The following FOXP1 variants were observed in gnomAD, a reference collection of about 807,000 sequenced individuals.
FOXP1 encodes forkhead box protein P1.
A neutral mutation model predicts 98.2 loss-of-function variants in FOXP1; 15 were observed. The observed-to-expected ratio is 0.15, with a 90% CI of 0.10 to 0.24. The LOEUF is 0.24. Ranked by LOEUF, FOXP1 falls within the 10% of genes least tolerant of loss-of-function variation. The pLI, the probability that FOXP1 is intolerant of heterozygous loss-of-function variation, is 1.00. For synonymous variants in FOXP1, 371 were observed against 314.5 expected (o/e 1.18, Z -1.90); for missense variants, 633 against 848.5 (o/e 0.75, Z 3.15).
At chr3:71,476,657 A>ATTTTTTTTT (rs55733297) in intron 3 of FOXP1, among the ~76,000 whole-genome samples, 3 of 134,480 alleles carry the variant, frequency 2.2e-5, no homozygotes, top group Admixed American at 7.4e-5. Flanking sequence ...TGCCCAGCTA[A>ATTTTTTTTT]TTTTTTTTTT....
chr3:71,226,480 T>C (rs955969823), intron 5 of FOXP1, among the ~76,000 whole-genome samples: 5 of 151,928 alleles, frequency 3.3e-5, no homozygotes, highest in Non-Finnish European at 7.4e-5. Context: ...CCGTCACCTA[T>C]GCAAGAGCCT....
intron 4 of FOXP1, among the ~76,000 whole-genome samples, chr3:71,317,320 C>T (rs1284444840): frequency 1.3e-5 from 2 of 152,166 alleles, no homozygotes; most frequent in East Asian, 1.9e-4. Context: ...CATGACGCCA[C>T]GCTGTCACTT....
chr3:71,165,970 C>T (rs1011406356), intron 6 of FOXP1, among the ~76,000 whole-genome samples: 16 of 152,300 alleles, frequency 1.1e-4, no homozygotes, highest in Non-Finnish European at 2.1e-4. Context: ...AGACAGAAGG[C>T]TAAACATTCT....
At chr3:71,053,306 C>T (rs1308432771) in intron 8 of FOXP1, among the ~76,000 whole-genome samples, 1 of 152,158 alleles carries the variant, frequency 6.6e-6, no homozygotes, top group African/African-American at 2.4e-5. Context: ...CCACTCCCAA[C>T]GTGCTCCTCA....
At chr3:71,567,292 C>A (rs2046982850) in intron 2 of FOXP1, among the ~76,000 whole-genome samples, 1 of 151,952 alleles carries the variant, frequency 6.6e-6, no homozygotes, top group Non-Finnish European at 1.5e-5. Flanking sequence ...CTGTTAGGGG[C>A]TTTGCACACA....
At chr3:71,028,433 G>A (rs1472949333) in intron 11 of FOXP1, among the ~76,000 whole-genome samples, 1 of 152,168 alleles carries the variant, frequency 6.6e-6, no homozygotes, top group Non-Finnish European at 1.5e-5. Context: ...TAAGGGTGGG[G>A]CCCAGTAGCC....
intron 17 of FOXP1, among the ~76,000 whole-genome samples, chr3:70,973,835 G>GCCCCCCCCCCCCCCCC (rs56950015): frequency 6.5e-4 from 24 of 36,738 alleles, no homozygotes; most frequent in Non-Finnish European, 8.5e-4. Context: ...TTTGCACACC[G>GCCCCCCCCCCCCCCCC]CCCCCCCCCC....
At chr3:71,467,441 A>G (rs183050320) in intron 3 of FOXP1, among the ~76,000 whole-genome samples, 33 of 152,296 alleles carry the variant, frequency 2.2e-4, no homozygotes, top group Admixed American at 2.0e-3. Flanking sequence ...AATCTCCCCA[A>G]AAAGAAATGA....
At chr3:71,400,173 G>A (rs1425498641) in intron 3 of FOXP1, among the ~76,000 whole-genome samples, 1 of 152,090 alleles carries the variant, frequency 6.6e-6, no homozygotes, top group Non-Finnish European at 1.5e-5. Flanking sequence ...GGTAAAAAAT[G>A]TTTATGTCAC....
rs138108644 is a variant in FOXP1, at chr3:71,482,943, C to T, written c.-168+10483G>A. Among the ~76,000 whole-genome samples the T allele has an allele frequency of 4.5e-3, 687 of 152,014 alleles. 6 individuals carry two copies. The highest frequency in any genetic ancestry group is 0.016 in the African/African-American group (658 of 41,446). ...TCCACCTCCAGGATTCAAACTATCC[C>T]CCCCACCTCAGCCTCCCATGTAGCT... On this transcript the variant is annotated intron_variant, in intron 3 of 20. Transcript: ENST00000649528.
chr3:71,106,619 C>T (rs1188904460), intron 7 of FOXP1, among the ~76,000 whole-genome samples: 2 of 150,174 alleles, frequency 1.3e-5, no homozygotes, highest in African/African-American at 2.5e-5. Context: ...CCATTGCACC[C>T]GGCCACTTTT....
At chr3:71,225,843 A>T (rs1310331924) in intron 5 of FOXP1, among the ~76,000 whole-genome samples, 4 of 152,200 alleles carry the variant, frequency 2.6e-5, no homozygotes, top group Non-Finnish European at 5.9e-5. Flanking sequence ...GGATATGAGG[A>T]CATATTAGTG....
At chr3:71,450,294 C>T (rs1256425079) in intron 3 of FOXP1, among the ~76,000 whole-genome samples, 2 of 152,172 alleles carry the variant, frequency 1.3e-5, no homozygotes, top group East Asian at 1.9e-4. Context: ...TTTAGATGTA[C>T]TTCACCTGCT....
At chr3:70,967,710 G>GTTTTTTTTT (rs756777959) in intron 19 of FOXP1, among the ~76,000 whole-genome samples, 41 of 68,860 alleles carry the variant, frequency 6.0e-4, no homozygotes, top group African/African-American at 1.6e-3. Context: ...GTTTTTTTTT[G>GTTTTTTTTT]TTTTTTTTTT....
At position 71,021,422 on chromosome 3, in the gene FOXP1, C is replaced by G. The variant is rs116737894; in HGVS notation, c.870-5769G>C. Reference sequence around the variant, plus strand: ...ATAGTATTCCATTGTACATACATAGCACATTTATCCATTCATCTGTTGATG... The same window carrying G: ...ATAGTATTCCATTGTACATACATAGGACATTTATCCATTCATCTGTTGATG... On this transcript the variant is annotated intron_variant, in intron 11 of 20. Transcript: ENST00000649528. Among the ~76,000 whole-genome samples the G allele has an allele frequency of 8.4e-3, 1,285 of 152,272 alleles. 11 individuals are homozygous for G. Among genetic ancestry groups the G allele is most frequent in the Non-Finnish European group, 0.015 (987 of 68,032 alleles).
chr3:71,045,434 A>G (rs73838141), intron 10 of FOXP1, among the ~76,000 whole-genome samples: 41 of 152,344 alleles, frequency 2.7e-4, no homozygotes, highest in African/African-American at 9.4e-4. Flanking sequence ...TTGGAGCTCA[A>G]GTCCGGTAGG....
intron 4 of FOXP1, among the ~76,000 whole-genome samples, chr3:71,302,147 T>C (rs1461760430): frequency 1.3e-5 from 2 of 152,196 alleles, no homozygotes; most frequent in Admixed American, 6.5e-5. Context: ...AGAGAAGGTA[T>C]AACATTAACA....
At chr3:71,314,822 G>C (rs1234923583) in intron 4 of FOXP1, among the ~76,000 whole-genome samples, 1 of 151,814 alleles carries the variant, frequency 6.6e-6, no homozygotes, top group East Asian at 1.9e-4. Context: ...TTCAAAGAAG[G>C]AAAGAGGAGA....
rs544916383 is a variant in FOXP1 at position 70,979,279 on chromosome 3, CAAAAAAAAAAAAAAAA to C, written c.1147-1266_1147-1251del. On this transcript the variant is annotated intron_variant, in intron 14 of 20. Coordinates refer to ENST00000649528, the MANE Select transcript of FOXP1 (RefSeq NM_001349338.3). The stretch of plus-strand genomic sequence containing the variant: ...TGGGTGATAGAGTGAGACTCTACCT[CAAAAAAAAAAAAAAAA>C]AAAAAAAAAAAAAAAAAAAAAAAAA... Among the ~76,000 whole-genome samples the C allele has an allele frequency of 7.2e-3, 305 of 42,554 alleles. 6 individuals are homozygous for C. The highest frequency in any genetic ancestry group is 3.1e-3 in the Non-Finnish European group (84 of 26,836). 27.9% of individuals were successfully genotyped at this position (42,554 alleles called of 152,430 possible).
Sources: allele counts gnomAD v4.1 joint callset (sites outside exome capture counted in the v4.1 genomes callset), GRCh38; gene constraint gnomAD v4.1.1; transcripts MANE v1.5; gene names NCBI Gene and HGNC (gene_info 2026-07-23, HGNC 2026-07-21).